STXBP4: variants seen among roughly 807,000 people sequenced by gnomAD.
STXBP4 encodes the protein syntaxin-binding protein 4.
STXBP4 carries 55 observed loss-of-function variants against 76.1 expected under a neutral mutation model. That is an observed-to-expected ratio of 0.72 (90% CI 0.58 to 0.91). The LOEUF is 0.91. Ranked by LOEUF, STXBP4 falls within the 40% of genes least tolerant of loss-of-function variation. The pLI is 0.00. For missense variants in STXBP4, 618 were observed against 636.9 expected (o/e 0.97, Z 0.32); for synonymous variants, 201 against 220.2 (o/e 0.91, Z 0.77).
chr17:54,999,235 C>T, intron 4 of STXBP4, 110 bp from the exon 5 acceptor site: 1 of 781,606 alleles, frequency 1.3e-6, no homozygotes, highest in Non-Finnish European at 2.0e-6. Context: ...TTACTTTTTA[C>T]TCTTTTTGAA....
chr17:55,186,777 A>G, the STXBP4 span, among the ~76,000 whole-genome samples: 1 of 152,364 alleles, frequency 6.6e-6, no homozygotes, highest in Middle Eastern at 3.4e-3. Flanking sequence ...CTAAATGACA[A>G]ATAGATATAC....
rs1463424886 is a variant in STXBP4, at chr17:55,170,369, A to G, written c.*10458A>G. ...ACAATAATAACATCAAGTGGTAATA[A>G]CAGGAAACAGATCTGTATACAATAT... On this transcript the variant is annotated 3_prime_UTR_variant, in exon 18 of 18. Transcript: ENST00000376352. 1 of 152,208 alleles carries G rather than the reference A, an allele frequency of 6.6e-6. No homozygotes were observed. The highest frequency in any genetic ancestry group is 1.5e-5 in the Non-Finnish European group (1 of 68,024). 9.4% of individuals were successfully genotyped at this position (152,208 alleles called of 1,614,324 possible).
At chr17:55,124,791 G>T (rs1449618923) in intron 16 of STXBP4, among the ~76,000 whole-genome samples, 1 of 152,170 alleles carries the variant, frequency 6.6e-6, no homozygotes, top group African/African-American at 2.4e-5. Context: ...CAAGATCAAG[G>T]TGGTGGAAAA....
At chr17:54,989,434 A>T (rs893654579) in intron 3 of STXBP4, among the ~76,000 whole-genome samples, 1 of 152,152 alleles carries the variant, frequency 6.6e-6, no homozygotes, top group Non-Finnish European at 1.5e-5. Context: ...CAGTTATTCA[A>T]TGTATTTGAA....
At chr17:55,023,211 AC>A (rs1466894157) in intron 8 of STXBP4, among the ~76,000 whole-genome samples, 2 of 152,218 alleles carry the variant, frequency 1.3e-5, no homozygotes, top group African/African-American at 4.8e-5. Context: ...TAGGAACAGA[AC>A]TTCTAATTCT....
intron 12 of STXBP4, among the ~76,000 whole-genome samples, chr17:55,070,913 G>A (rs1438223151): frequency 6.6e-6 from 1 of 152,062 alleles, no homozygotes. Context: ...AAAAGGAGAG[G>A]TTATCTTTTA....
chr17:54,985,075 A>C (rs972574533), intron 1 of STXBP4, among the ~76,000 whole-genome samples: 4 of 152,158 alleles, frequency 2.6e-5, no homozygotes, highest in African/African-American at 4.8e-5. Context: ...TTTTAACTGA[A>C]AATCGGGTTT....
chr17:54,969,716 G>A (rs1248438050), intron 1 of STXBP4, among the ~76,000 whole-genome samples: 1 of 152,172 alleles, frequency 6.6e-6, no homozygotes, highest in African/African-American at 2.4e-5. Context: ...GGAACTTGGA[G>A]GCCTGAGAAA....
chr17:54,997,574 A>C (rs894593815), intron 4 of STXBP4, among the ~76,000 whole-genome samples: 1 of 145,862 alleles, frequency 6.9e-6, no homozygotes, highest in African/African-American at 2.5e-5. Flanking sequence ...ATTATATAAT[A>C]TAAATATATA....
intron 17 of STXBP4, among the ~76,000 whole-genome samples, chr17:55,152,755 A>G (rs1424061944): frequency 6.6e-6 from 1 of 152,206 alleles, no homozygotes; most frequent in Non-Finnish European, 1.5e-5. Context: ...CTCCCTTGAC[A>G]CATGGAGATT....
intron 16 of STXBP4, among the ~76,000 whole-genome samples, chr17:55,130,743 G>A (rs1460087481): frequency 6.6e-6 from 1 of 152,128 alleles, no homozygotes; most frequent in Non-Finnish European, 1.5e-5. Flanking sequence ...TGACTTTTTA[G>A]GTTTCACGTA....
intron 13 of STXBP4, among the ~76,000 whole-genome samples, chr17:55,074,718 A>C (rs2079159486): frequency 6.6e-6 from 1 of 152,010 alleles, no homozygotes; most frequent in Non-Finnish European, 1.5e-5. Flanking sequence ...TAATTAATTC[A>C]GTTTTTCTCT....
chr17:55,049,083 G>A (rs1289774768), intron 12 of STXBP4, among the ~76,000 whole-genome samples: 2 of 151,878 alleles, frequency 1.3e-5, no homozygotes, highest in African/African-American at 4.8e-5. Flanking sequence ...GCAAAGTAAG[G>A]CAATAGTGGA....
In STXBP4 at chr17:55,034,705, C is replaced by T. The variant is rs145088218; in HGVS notation, c.855+446C>T. Among the ~76,000 whole-genome samples, 4 of 152,122 alleles carry T rather than the reference C, an allele frequency of 2.6e-5. No homozygotes were observed. The East Asian group carries it at 7.7e-4, about 29-fold the overall frequency. On this transcript the variant is annotated intron_variant, in intron 10 of 17. Coordinates refer to ENST00000376352, the MANE Select transcript of STXBP4 (RefSeq NM_178509.6). ...CAAGAAACATAATATTAAATAAATA[C>T]ATTACCAGATGCTCTCCTGCCCCCA...
At chr17:55,188,000 C>T in the STXBP4 span, among the ~76,000 whole-genome samples, 6 of 152,124 alleles carry the variant, frequency 3.9e-5, no homozygotes. Context: ...CTGTGATTGG[C>T]ACTGTTATCA....
rs2078801987 is a variant in STXBP4, at chr17:55,047,185, CG to C, written c.1011+32del. On this transcript the variant is annotated intron_variant, in intron 12 of 17. Coordinates refer to ENST00000376352, the MANE Select transcript of STXBP4 (RefSeq NM_178509.6). ...TATATGTATTGTGTATATATGTGCT[CG>C]TGTGTGTGTGTGTGTGTGTGTGTGT... The C allele has an allele frequency of 8.7e-6, 7 of 807,972 alleles. No individual in the cohort carries two copies. The African/African-American group carries it at 9.5e-5, about 11-fold the overall frequency. The allele number at this position is 807,972 out of a possible 1,614,324, so 50.1% of individuals were successfully genotyped here.
At chr17:54,971,882 C>T (rs541731444) in intron 1 of STXBP4, among the ~76,000 whole-genome samples, 1 of 152,146 alleles carries the variant, frequency 6.6e-6, no homozygotes, top group Non-Finnish European at 1.5e-5. Context: ...CTTGGTCTCC[C>T]ATAGTGCTGG....
At chr17:55,031,836 G>GA (rs1304280296) in intron 9 of STXBP4, among the ~76,000 whole-genome samples, 2 of 152,092 alleles carry the variant, frequency 1.3e-5, no homozygotes, top group Non-Finnish European at 2.9e-5. Flanking sequence ...GCATTTGGTT[G>GA]AAAAAACTTG....
chr17:55,208,243 G>C, the STXBP4 span, among the ~76,000 whole-genome samples: 202 of 152,004 alleles, frequency 1.3e-3, 1 homozygote, highest in East Asian at 9.7e-3. Context: ...ATCTTTCATA[G>C]CACTTCATAG....
Sources: gnomAD v4.1 joint callset for allele counts (sites outside exome capture counted in the v4.1 genomes callset) on GRCh38, gnomAD v4.1.1 for gene constraint, MANE v1.5 for transcripts, NCBI Gene and HGNC (gene_info 2026-07-23, HGNC 2026-07-21) for gene names.